The following PTPRO variants were observed in gnomAD, a reference collection of about 807,000 sequenced individuals.
PTPRO encodes the protein protein tyrosine phosphatase receptor type O.
In PTPRO, 62 loss-of-function variants were observed where a neutral mutation model predicts 145.2. The observed-to-expected ratio is 0.43, with a 90% CI of 0.35 to 0.53. PTPRO has a LOEUF of 0.53. PTPRO is among the 20% of genes least tolerant of loss of function. The pLI, the probability that PTPRO is intolerant of heterozygous loss-of-function variation, is 0.01. For synonymous variants in PTPRO, 565 were observed against 514.7 expected (o/e 1.10, Z -1.32); for missense variants, 1,345 against 1,482.7 (o/e 0.91, Z 1.53).
chr12:15,569,368 A>G (rs917096249), intron 18 of PTPRO, 49 bp from the exon 19 acceptor site: 4 of 1,439,708 alleles, frequency 2.8e-6, no homozygotes, highest in Non-Finnish European at 2.9e-6. Flanking sequence ...TATAATACCT[A>G]TCAACAAGAA....
intron 1 of PTPRO, among the ~76,000 whole-genome samples, chr12:15,428,656 A>G (rs1940349141): frequency 6.6e-6 from 1 of 152,150 alleles, no homozygotes; most frequent in South Asian, 2.1e-4. Flanking sequence ...AAAACACAAA[A>G]TATTACTGTT....
rs147141330 is a variant in PTPRO, at chr12:15,463,243, A to C, written c.76-20731A>C. On this transcript the variant is annotated intron_variant, in intron 1 of 26. Coordinates refer to ENST00000281171, the MANE Select transcript of PTPRO (RefSeq NM_030667.3). ...AAGGTTCAGCTTTTATTAATTCATA[A>C]CTCTTCAAAGTTATGAATCAATAGA... is the stretch of plus-strand genomic sequence containing the variant. Among the ~76,000 whole-genome samples, 435 of 152,140 alleles carry C rather than the reference A, an allele frequency of 2.9e-3. 1 individual carries two copies. The highest frequency in any genetic ancestry group is 1.0e-2 in the African/African-American group (414 of 41,512).
chr12:15,577,592 TG>T (rs1209279287), intron 19 of PTPRO, among the ~76,000 whole-genome samples: 9 of 152,230 alleles, frequency 5.9e-5, no homozygotes, highest in African/African-American at 2.2e-4. Flanking sequence ...GGAGGAATTA[TG>T]AAGAGTAAAA....
intron 1 of PTPRO, among the ~76,000 whole-genome samples, chr12:15,411,215 C>T (rs536790826): frequency 1.1e-4 from 16 of 152,184 alleles, no homozygotes; most frequent in Non-Finnish European, 2.4e-4. Context: ...TTTTATCCCA[C>T]TGCTCTCTAA....
intron 1 of PTPRO, among the ~76,000 whole-genome samples, chr12:15,461,352 T>G (rs1391679324): frequency 2.0e-5 from 3 of 152,202 alleles, no homozygotes; most frequent in Non-Finnish European, 4.4e-5. Context: ...TGAAGCCTCA[T>G]GTCTCCCTAA....
intron 1 of PTPRO, among the ~76,000 whole-genome samples, chr12:15,441,055 G>A (rs1940751687): frequency 6.6e-6 from 1 of 152,140 alleles, no homozygotes; most frequent in African/African-American, 2.4e-5. Flanking sequence ...AAACCACAGA[G>A]TATGCATTCT....
chr12:15,416,124 T>A (rs937701486), intron 1 of PTPRO, among the ~76,000 whole-genome samples: 9 of 151,654 alleles, frequency 5.9e-5, no homozygotes, highest in Non-Finnish European at 2.9e-5. Flanking sequence ...TAGGAGAGTG[T>A]CTAGCTCATA....
chr12:15,577,019 T>C (rs997791789), intron 19 of PTPRO, among the ~76,000 whole-genome samples: 1 of 152,194 alleles, frequency 6.6e-6, no homozygotes, highest in Non-Finnish European at 1.5e-5. Flanking sequence ...AAGTTGCTTC[T>C]TACAAGAAAA....
At chr12:15,409,613 A>AAC (rs1220899262) in intron 1 of PTPRO, among the ~76,000 whole-genome samples, 106 of 152,298 alleles carry the variant, frequency 7.0e-4, no homozygotes, top group African/African-American at 2.2e-3. Context: ...GGTTCTGTAG[A>AAC]TTGTACAGGA....
intron 1 of PTPRO, among the ~76,000 whole-genome samples, chr12:15,425,926 T>C (rs1258871254): frequency 6.6e-6 from 1 of 151,970 alleles, no homozygotes; most frequent in Non-Finnish European, 1.5e-5. Context: ...ATACAATTAG[T>C]GTCTTACATT....
chr12:15,436,983 C>T (rs747198735), intron 1 of PTPRO, among the ~76,000 whole-genome samples: 1 of 152,006 alleles, frequency 6.6e-6, no homozygotes, highest in Non-Finnish European at 1.5e-5. Context: ...GCCCCATCCT[C>T]CTCCCCTGAG....
chr12:15,547,950 G>A (rs1943338562), intron 13 of PTPRO, among the ~76,000 whole-genome samples: 1 of 152,158 alleles, frequency 6.6e-6, no homozygotes, highest in Non-Finnish European at 1.5e-5. Flanking sequence ...GTCTGGCCAT[G>A]GGTCCACCAA....
chr12:15,580,807 C>A lies in PTPRO; in HGVS notation c.3108C>A (p.Leu1036=). The change falls in exon 22 of 27, where the codon CTC becomes CTA. Residue 1036 remains leucine (L), a synonymous_variant. Transcript: ENST00000281171. ...AAAAGTCTCAGATTATTGTCATGCT[C>A]ACTCAGTGTAATGAGAAAAGGAGGG... ...LQQKSQIIVM[L]TQCNEKRRVK... 6.2e-7 allele frequency: 1 copy of A among 1,613,954 alleles called. No individual in the cohort carries two copies. The highest frequency in any genetic ancestry group is 8.5e-7 in the Non-Finnish European group (1 of 1,179,870).
chr12:15,379,530 CAAAAAAAA>C (rs1211403772), intron 1 of PTPRO, among the ~76,000 whole-genome samples: 5 of 49,454 alleles, frequency 1.0e-4, no homozygotes. Flanking sequence ...AGCTCCATCT[CAAAAAAAA>C]AAAAAAAAAA....
chr12:15,575,436 A>T (rs1944160599), intron 19 of PTPRO, among the ~76,000 whole-genome samples: 1 of 152,226 alleles, frequency 6.6e-6, no homozygotes, highest in East Asian at 1.9e-4. Context: ...AAGATGCCTA[A>T]GAATGAAATC....
At chr12:15,520,974 T>C (rs1400221762) in intron 10 of PTPRO, among the ~76,000 whole-genome samples, 2 of 152,194 alleles carry the variant, frequency 1.3e-5, no homozygotes, top group African/African-American at 4.8e-5. Flanking sequence ...CAATTAGTCT[T>C]AGATCCTCGG....
intron 1 of PTPRO, among the ~76,000 whole-genome samples, chr12:15,443,500 G>T (rs949958803): frequency 6.6e-6 from 1 of 151,914 alleles, no homozygotes; most frequent in Admixed American, 6.6e-5. Context: ...ATGACAAGTG[G>T]ACCTAATTAA....
chr12:15,413,147 G>C (rs553011611), intron 1 of PTPRO, among the ~76,000 whole-genome samples: 1 of 152,236 alleles, frequency 6.6e-6, no homozygotes, highest in African/African-American at 2.4e-5. Flanking sequence ...CTGGAATGCA[G>C]TGGCACCATC....
intron 18 of PTPRO, among the ~76,000 whole-genome samples, chr12:15,566,205 C>T (rs1943894393): frequency 6.6e-6 from 1 of 152,132 alleles, no homozygotes; most frequent in South Asian, 2.1e-4. Context: ...ATTAGATTAT[C>T]ACCTCCATGC....
Sources: gnomAD v4.1 joint callset for allele counts (sites outside exome capture counted in the v4.1 genomes callset) on GRCh38, gnomAD v4.1.1 for gene constraint, MANE v1.5 for transcripts, NCBI Gene and HGNC (gene_info 2026-07-23, HGNC 2026-07-21) for gene names.